PARD3B: variants seen among roughly 807,000 people sequenced by gnomAD.
PARD3B encodes par-3 family cell polarity regulator beta.
Under a neutral mutation model 130.2 loss-of-function variants are expected in PARD3B, and 103 were observed. That is an observed-to-expected ratio of 0.79 (90% CI 0.67 to 0.93). PARD3B has a LOEUF of 0.93. Among genes scored for constraint, PARD3B ranks in the 40% least tolerant of loss-of-function variants. PARD3B has a pLI of 0.00. For synonymous variants in PARD3B, 583 were observed against 553.2 expected, an observed-to-expected ratio of 1.05 and a Z score of -0.76; for missense variants, 1,609 against 1,499.2, an observed-to-expected ratio of 1.07 and a Z score of -1.21.
intron 3 of PARD3B, among the ~76,000 whole-genome samples, chr2:205,012,623 T>A (rs1231341175): frequency 6.6e-6 from 1 of 152,222 alleles, no homozygotes; most frequent in East Asian, 1.9e-4. Flanking sequence ...CTTGGACTGT[T>A]GCTTAAAAGT....
chr2:205,103,419 T>C (rs1008819408), intron 4 of PARD3B, among the ~76,000 whole-genome samples: 13 of 149,082 alleles, frequency 8.7e-5, no homozygotes, highest in Non-Finnish European at 1.5e-4. Flanking sequence ...TTTATAGATA[T>C]ATTTATCTGT....
chr2:204,872,995 T>C (rs989838426), intron 2 of PARD3B, among the ~76,000 whole-genome samples: 3 of 152,180 alleles, frequency 2.0e-5, no homozygotes, highest in African/African-American at 7.2e-5. Flanking sequence ...TTGGCTTTAA[T>C]AAGCACTTCA....
Position 205,388,779 on chromosome 2 carries a change from G to A in PARD3B, c.2631-12234G>A, listed in dbSNP as rs535538085. On this transcript the variant is annotated intron_variant, in intron 18 of 22. Transcript: ENST00000406610. Reference sequence around the variant, plus strand: ...AAATGTTGTTGATCACAATGGCCCCGAAATGACTGTCCCATCACACTAGGT... The same window carrying A: ...AAATGTTGTTGATCACAATGGCCCCAAAATGACTGTCCCATCACACTAGGT... Among the ~76,000 whole-genome samples, 14 of 152,218 alleles carry A rather than the reference G, an allele frequency of 9.2e-5. No individual in the cohort carries two copies. In the South Asian group the frequency reaches 1.7e-3, roughly 18 times the overall value.
Position 205,591,529 on chromosome 2 carries a change from C to T in PARD3B, c.3261-23927C>T, listed in dbSNP as rs1047263783. On this transcript the variant is annotated intron_variant, in intron 22 of 22. Transcript: ENST00000406610. This position sits in a 1 kb window ranked among gnomAD's most constrained non-coding sequence, Gnocchi z 4.2. The stretch of plus-strand genomic sequence containing the variant: ...AACCCTCCTAGCTACTCAGTGGAAG[C>T]AAATAACCATTACTATCCCAATTTG... Among the ~76,000 whole-genome samples, 1 of 152,168 alleles carries T rather than the reference C, an allele frequency of 6.6e-6. No individual in the cohort carries two copies. Among genetic ancestry groups the T allele is most frequent in the Admixed American group, 6.5e-5 (1 of 15,284 alleles).
chr2:205,216,775 C>T (rs114307648), intron 15 of PARD3B, among the ~76,000 whole-genome samples: 2,008 of 152,260 alleles, frequency 0.013, 14 homozygotes, highest in Non-Finnish European at 0.018. Flanking sequence ...GCATTAGCTA[C>T]GAGCACATTC....
intron 22 of PARD3B, among the ~76,000 whole-genome samples, chr2:205,581,293 G>T (rs531362313): frequency 9.9e-5 from 14 of 140,966 alleles, no homozygotes; most frequent in Admixed American, 9.9e-4. Flanking sequence ...TATATAGATA[G>T]ATATAGATAG....
In PARD3B at chr2:204,677,636, G is replaced by A. The variant is rs992260648; in HGVS notation, c.121-8545G>A. 1.3e-5 allele frequency among the ~76,000 whole-genome samples: 2 copies of A among 152,160 alleles called. No homozygotes were observed. Among genetic ancestry groups the A allele is most frequent in the African/African-American group, 2.4e-5 (1 of 41,432 alleles). On this transcript the variant is annotated intron_variant, in intron 1 of 22. Transcript: ENST00000406610. This position sits in a 1 kb window ranked among gnomAD's most constrained non-coding sequence, Gnocchi z 4.1. Reference sequence around the variant, plus strand: ...GGACCACTTTGGCACAGAGTGAAACGATTCCTTGTTCTGTTCTCACACAGT... The same window carrying A: ...GGACCACTTTGGCACAGAGTGAAACAATTCCTTGTTCTGTTCTCACACAGT...
At chr2:205,353,131 T>C (rs10932106) in intron 18 of PARD3B, among the ~76,000 whole-genome samples, 91,113 of 152,020 alleles carry the variant, frequency 0.6, 30,736 homozygotes, top group South Asian at 0.77. Flanking sequence ...TTGGGAGTAA[T>C]GTGTTCCACA....
At chr2:205,487,652 G>A (rs1182709831) in intron 20 of PARD3B, among the ~76,000 whole-genome samples, 1 of 152,178 alleles carries the variant, frequency 6.6e-6, no homozygotes. Flanking sequence ...GAACTTCTAT[G>A]TTGTGTCCTC....
chr2:205,339,354 A>C (rs13025186), intron 18 of PARD3B, among the ~76,000 whole-genome samples: 84,735 of 151,646 alleles, frequency 0.56, 27,433 homozygotes, highest in South Asian at 0.75. Context: ...GAAGTTTAGT[A>C]GCTCAAATAG....
chr2:205,353,116 A>T (rs767083881), intron 18 of PARD3B, among the ~76,000 whole-genome samples: 1 of 152,180 alleles, frequency 6.6e-6, no homozygotes. Context: ...AGCCTGTGCC[A>T]CCACTTGGGA....
chr2:205,183,944 C>T lies in PARD3B; in HGVS notation c.1925-1820C>T, dbSNP rs868006282. 2.6e-5 allele frequency among the ~76,000 whole-genome samples: 4 copies of T among 151,976 alleles called. No individual in the cohort carries two copies. The highest frequency in any genetic ancestry group is 6.6e-5 in the Admixed American group (1 of 15,240). ...GGCGTGGTTTCAGTCTGAAGACAAA[C>T]GGGCTTGAGACTCAGGAAGAACTGA... On this transcript the variant is annotated intron_variant, in intron 13 of 22. Transcript: ENST00000406610. This position sits in a 1 kb window ranked among gnomAD's most constrained non-coding sequence, Gnocchi z 5.2.
At chr2:205,012,914 T>C (rs896269238) in intron 3 of PARD3B, among the ~76,000 whole-genome samples, 1 of 152,198 alleles carries the variant, frequency 6.6e-6, no homozygotes, top group African/African-American at 2.4e-5. Flanking sequence ...AACTCCCAAA[T>C]GAAAGCACTT....
At chr2:205,313,539 G>A (rs917606058) in intron 18 of PARD3B, among the ~76,000 whole-genome samples, 4 of 152,086 alleles carry the variant, frequency 2.6e-5, no homozygotes, top group South Asian at 2.1e-4. Flanking sequence ...CTCTGTTTAC[G>A]GCTGTCCAAA....
rs967403357 is a variant in PARD3B, at chr2:205,550,588, C to G, written c.3181-2736C>G. On this transcript the variant is annotated intron_variant, in intron 21 of 22. Transcript: ENST00000406610. This position sits in a 1 kb window ranked among gnomAD's most constrained non-coding sequence, Gnocchi z 4.5. ...TCACCTGTGCTACTGCTGATAACAT[C>G]CTGAATGGCACTTGAAAATACATTA... Among the ~76,000 whole-genome samples the G allele has an allele frequency of 6.6e-6, 1 of 152,084 alleles. No homozygotes were observed. The highest frequency in any genetic ancestry group is 6.6e-5 in the Admixed American group (1 of 15,264).
chr2:204,990,460 T>G (rs1391445538), intron 3 of PARD3B, among the ~76,000 whole-genome samples: 1 of 152,168 alleles, frequency 6.6e-6, no homozygotes, highest in Non-Finnish European at 1.5e-5. Flanking sequence ...TTAACTATAG[T>G]CACCGTACCA....
chr2:205,468,418 G>T (rs1056381089), intron 20 of PARD3B, among the ~76,000 whole-genome samples: 1 of 152,194 alleles, frequency 6.6e-6, no homozygotes, highest in African/African-American at 2.4e-5. Flanking sequence ...CCCTCAAGAA[G>T]TCGTGCCTGT....
intron 18 of PARD3B, among the ~76,000 whole-genome samples, chr2:205,339,741 A>G (rs914527950): frequency 1.3e-5 from 2 of 152,290 alleles, no homozygotes; most frequent in African/African-American, 2.4e-5. Flanking sequence ...TACGGGCGCT[A>G]TAAGTTGTGC....
chr2:204,770,475 T>A (rs926851733), intron 2 of PARD3B, among the ~76,000 whole-genome samples: 30 of 151,406 alleles, frequency 2.0e-4, no homozygotes, highest in Non-Finnish European at 3.4e-4. Context: ...AAAATGTATA[T>A]TCTGTTGATT....
Sources: allele counts gnomAD v4.1 joint callset (sites outside exome capture counted in the v4.1 genomes callset), GRCh38; gene constraint gnomAD v4.1.1; non-coding constraint Gnocchi (gnomAD v3.1); transcripts MANE v1.5; gene names NCBI Gene and HGNC (gene_info 2026-07-23, HGNC 2026-07-21).